The following DIS3L2 variants were observed in gnomAD, a reference collection of about 807,000 sequenced individuals.
DIS3L2 encodes the protein DIS3-like exonuclease 2.
DIS3L2 carries 34 observed loss-of-function variants against 97.5 expected under a neutral mutation model. The observed-to-expected ratio is 0.35, with a 90% CI of 0.27 to 0.46. DIS3L2 has a LOEUF of 0.46. Ranked by LOEUF, DIS3L2 falls within the 20% of genes least tolerant of loss-of-function variation. The pLI is 1.00. For missense variants in DIS3L2, 1,038 were observed against 1,146.0 expected (o/e 0.91, Z 1.36); for synonymous variants, 435 against 445.2 (o/e 0.98, Z 0.29).
chr2:232,072,783 G>GGTGTGTGTGTGTGT (rs56884799), intron 5 of DIS3L2, among the ~76,000 whole-genome samples: 164 of 139,900 alleles, frequency 1.2e-3, no homozygotes, highest in African/African-American at 4.3e-3. Flanking sequence ...TGGGATGTGG[G>GGTGTGTGTGTGTGT]GTGTGTGTGT....
chr2:232,190,431 G>GT (rs1214341686), intron 9 of DIS3L2, among the ~76,000 whole-genome samples: 1 of 152,180 alleles, frequency 6.6e-6, no homozygotes, highest in Non-Finnish European at 1.5e-5. Context: ...AATTGCGTCA[G>GT]TAACTATAGA....
intron 6 of DIS3L2, among the ~76,000 whole-genome samples, chr2:232,100,751 A>G (rs758130156): frequency 1.6e-4 from 24 of 151,700 alleles, no homozygotes; most frequent in Non-Finnish European, 2.6e-4. Context: ...GTTCCATTAT[A>G]GTTTATTATA....
At chr2:232,094,532 A>T (rs558809229) in intron 6 of DIS3L2, among the ~76,000 whole-genome samples, 28 of 152,184 alleles carry the variant, frequency 1.8e-4, no homozygotes, top group South Asian at 1.7e-3. Flanking sequence ...AGCCTGGCCA[A>T]CATAGCAAAA....
At chr2:232,342,859 G>A (rs1696143119) in intron 13 of DIS3L2, among the ~76,000 whole-genome samples, 1 of 152,226 alleles carries the variant, frequency 6.6e-6, no homozygotes, top group African/African-American at 2.4e-5. Context: ...GAGCAGCTGT[G>A]CCACCTGGGG....
At position 232,024,146 on chromosome 2, in the gene DIS3L2, T is replaced by G. The variant is rs896990; in HGVS notation, c.211-131T>G. On this transcript the variant is annotated intron_variant, in intron 3 of 20. Coordinates refer to ENST00000325385, the MANE Select transcript of DIS3L2 (RefSeq NM_152383.5). ...TTGTGTTTCCTGCATTTAATGAATA[T>G]TTCTTATACATCTAACTTGTTTTCT... 459,099 of 601,728 alleles carry G rather than the reference T, an allele frequency of 0.76. 177,556 individuals are homozygous for G. Among genetic ancestry groups the G allele is most frequent in the African/African-American group, 0.94 (49,038 of 52,386 alleles). 37.3% of individuals were successfully genotyped at this position (601,728 alleles called of 1,614,324 possible).
chr2:232,175,190 G>A (rs964784553), intron 9 of DIS3L2, among the ~76,000 whole-genome samples: 1 of 152,080 alleles, frequency 6.6e-6, no homozygotes, highest in African/African-American at 2.4e-5. Flanking sequence ...TCTATCAGCT[G>A]AAAGCTTTTC....
chr2:232,015,506 G>C lies in DIS3L2; in HGVS notation c.53-8G>C. The C allele has an allele frequency of 1.9e-6, 3 of 1,612,184 alleles. No individual in the cohort carries two copies. Among genetic ancestry groups the C allele is most frequent in the Non-Finnish European group, 2.5e-6 (3 of 1,179,074 alleles). On this transcript the variant is annotated splice_polypyrimidine_tract_variant and splice_region_variant and intron_variant, in intron 2 of 20. Coordinates refer to ENST00000325385, the MANE Select transcript of DIS3L2 (RefSeq NM_152383.5). ...AGGAAAGAGTTGATTGCTGCCTCCT[G>C]TTTCTAGGTGTGTCTGCTGTGGCTG...
intron 1 of DIS3L2, among the ~76,000 whole-genome samples, chr2:232,004,904 G>A (rs1328466114): frequency 1.3e-5 from 2 of 152,022 alleles, no homozygotes; most frequent in African/African-American, 2.4e-5. Context: ...TTTTAAGTAC[G>A]TTTTTATTTC....
intron 10 of DIS3L2, among the ~76,000 whole-genome samples, chr2:232,213,611 A>G (rs766657207): frequency 2.0e-5 from 3 of 148,690 alleles, no homozygotes; most frequent in Admixed American, 1.3e-4. Context: ...AAAATGTTCA[A>G]TGCTTCAAAA....
chr2:232,009,574 C>T (rs1271928192), intron 1 of DIS3L2, among the ~76,000 whole-genome samples: 3 of 152,158 alleles, frequency 2.0e-5, no homozygotes, highest in East Asian at 1.9e-4. Flanking sequence ...CTTGAAACAA[C>T]GAGCTTCCCT....
At chr2:232,233,791 T>C (rs1211493162) in intron 10 of DIS3L2, among the ~76,000 whole-genome samples, 2 of 152,218 alleles carry the variant, frequency 1.3e-5, no homozygotes, top group Non-Finnish European at 2.9e-5. Flanking sequence ...TAAAAATGAC[T>C]GTAAGCTAGA....
At chr2:231,993,013 G>A (rs1162955379) in intron 1 of DIS3L2, among the ~76,000 whole-genome samples, 1 of 151,970 alleles carries the variant, frequency 6.6e-6, no homozygotes, top group Non-Finnish European at 1.5e-5. Flanking sequence ...AGTTGCTTTG[G>A]TTATGATTTG....
chr2:232,161,751 G>T (rs1690659369), intron 8 of DIS3L2, among the ~76,000 whole-genome samples: 1 of 151,850 alleles, frequency 6.6e-6, no homozygotes, highest in African/African-American at 2.4e-5. Context: ...GATTACAGAT[G>T]TGAGCCACCG....
Position 232,300,087 on chromosome 2 carries a change from A to G in DIS3L2, c.1707A>G (p.Gly569=), listed in dbSNP as rs776261138. ...TLDHETGLPQ[G]CHIYEYRESN... ...ACCACGAGACCGGATTGCCTCAAGG[A>G]TGTCATATCTATGAGTACCGCGAGA... is the stretch of plus-strand genomic sequence containing the variant. Residue 569 remains glycine, a synonymous_variant, in exon 14 of 21, where the codon GGA becomes GGG. Transcript: ENST00000325385. 3 of 1,613,806 alleles carry G rather than the reference A, an allele frequency of 1.9e-6. No individual in the cohort carries two copies. The highest frequency in any genetic ancestry group is 2.5e-6 in the Non-Finnish European group (3 of 1,179,812).
intron 10 of DIS3L2, among the ~76,000 whole-genome samples, chr2:232,229,582 G>A (rs1487425897): frequency 2.6e-5 from 4 of 152,190 alleles, no homozygotes; most frequent in African/African-American, 4.8e-5. Context: ...TCTCTTTCCT[G>A]TTAATGAAGA....
chr2:232,333,664 C>T (rs1575027037), intron 16 of DIS3L2, among the ~76,000 whole-genome samples, 176 bp from the exon 17 acceptor site: 1 of 152,312 alleles, frequency 6.6e-6, no homozygotes, highest in South Asian at 2.1e-4. Context: ...CCCCCTGGGG[C>T]CCCTTGTGCA....
At chr2:231,993,237 C>T (rs918745668) in intron 1 of DIS3L2, among the ~76,000 whole-genome samples, 1 of 147,722 alleles carries the variant, frequency 6.8e-6, no homozygotes, top group South Asian at 2.2e-4. Context: ...ATGAAGTTAT[C>T]TTTTTTTTTT....
At position 232,292,284 on chromosome 2, in the gene DIS3L2, A is replaced by G. The variant is rs886768134; in HGVS notation, c.1660-7756A>G. Among the ~76,000 whole-genome samples the G allele has an allele frequency of 2.6e-5, 4 of 152,086 alleles. No homozygotes were observed. Among genetic ancestry groups the G allele is most frequent in the South Asian group, 4.1e-4 (2 of 4,826 alleles). On this transcript the variant is annotated intron_variant, in intron 13 of 20. Transcript: ENST00000325385. The surrounding 1 kb of genome is among the most constrained non-coding windows in gnomAD (Gnocchi z 4.4). Reference sequence around the variant, plus strand: ...TTGTTTCTGCCCCTAAGTTCTCCCTAAAGTGCCATCCCCAAGCAGCAATAA... The same window carrying G: ...TTGTTTCTGCCCCTAAGTTCTCCCTGAAGTGCCATCCCCAAGCAGCAATAA...
chr2:232,258,135 A>G (rs1335861214), intron 12 of DIS3L2, among the ~76,000 whole-genome samples: 1 of 152,148 alleles, frequency 6.6e-6, no homozygotes, highest in Non-Finnish European at 1.5e-5. Flanking sequence ...TGTAGTACAT[A>G]ATTATGTACT....
Sources: allele counts gnomAD v4.1 joint callset (sites outside exome capture counted in the v4.1 genomes callset), GRCh38; gene constraint gnomAD v4.1.1; non-coding constraint Gnocchi (gnomAD v3.1); transcripts MANE v1.5; gene names NCBI Gene and HGNC (gene_info 2026-07-23, HGNC 2026-07-21).